Variants in HMCN1 observed in about 807,000 individuals in gnomAD.
The protein encoded by HMCN1 is hemicentin-1.
HMCN1 carries 321 observed loss-of-function variants against 625.9 expected under a neutral mutation model. The ratio of observed to expected loss-of-function variants is 0.51; its 90% CI spans 0.47 to 0.56. The LOEUF is 0.56. Among genes scored for constraint, HMCN1 ranks in the 20% least tolerant of loss-of-function variants. The pLI, the probability that HMCN1 is intolerant of heterozygous loss-of-function variation, is 0.00. For missense variants in HMCN1, 6,588 were observed against 6,887.3 expected (o/e 0.96, Z 1.54); for synonymous variants, 2,425 against 2,417.6 (o/e 1.00, Z -0.09).
chr1:186,020,505 T>C (rs1243972383), intron 35 of HMCN1, among the ~76,000 whole-genome samples: 2 of 152,072 alleles, frequency 1.3e-5, no homozygotes, highest in Non-Finnish European at 2.9e-5. Context: ...AAAGATTCAG[T>C]TTTTAGCCTT....
At chr1:185,931,110 A>T (rs1160831615) in intron 10 of HMCN1, among the ~76,000 whole-genome samples, 2 of 152,188 alleles carry the variant, frequency 1.3e-5, no homozygotes, top group African/African-American at 4.8e-5. Flanking sequence ...AAAGAAACAG[A>T]ACCCAGAGAA....
chr1:186,068,050 C>A (rs1197550938), intron 50 of HMCN1, 43 bp downstream of exon 50: 1 of 1,492,656 alleles, frequency 6.7e-7, no homozygotes, highest in East Asian at 2.3e-5. Flanking sequence ...TCTGCGTCAT[C>A]TACTATTCTA....
In HMCN1 at chr1:185,734,624, G is replaced by A. The variant is rs886045657; in HGVS notation, c.-156G>A. 17 of 714,100 alleles carry A rather than the reference G, an allele frequency of 2.4e-5. No individual in the cohort carries two copies. The highest frequency in any genetic ancestry group is 3.9e-5 in the Non-Finnish European group (16 of 409,868). The allele number at this position is 714,100 out of a possible 1,614,324, so 44.2% of individuals were successfully genotyped here. On this transcript the variant is annotated 5_prime_UTR_variant, in exon 1 of 107. Coordinates refer to ENST00000271588, the MANE Select transcript of HMCN1 (RefSeq NM_031935.3). ...CTGGAGGGATTCGAGTTTGGTGCTT[G>A]TCCCCGTCTGATTCTCAGCGCCAAA...
chr1:186,063,986 T>A (rs1657946185), intron 48 of HMCN1, among the ~76,000 whole-genome samples: 1 of 152,148 alleles, frequency 6.6e-6, no homozygotes, highest in Non-Finnish European at 1.5e-5. Flanking sequence ...AAAGGAAGAT[T>A]CAATGAGTTT....
intron 18 of HMCN1, among the ~76,000 whole-genome samples, chr1:185,983,942 TCTGA>T: frequency 6.6e-6 from 1 of 152,206 alleles, no homozygotes; most frequent in Non-Finnish European, 1.5e-5. Context: ...TGCTTAACTC[TCTGA>T]TAAATATTAA....
At chr1:185,836,879 G>T (rs1661201793) in intron 1 of HMCN1, among the ~76,000 whole-genome samples, 2 of 151,966 alleles carry the variant, frequency 1.3e-5, no homozygotes, top group South Asian at 4.2e-4. Flanking sequence ...AGAACATTCA[G>T]TACTTGGTTT....
chr1:185,911,871 T>C, intron 6 of HMCN1, 91 bp downstream of exon 6: 1 of 940,062 alleles, frequency 1.1e-6, no homozygotes, highest in Non-Finnish European at 1.7e-6. Context: ...AAACATACAC[T>C]CTTGCTATCA....
intron 36 of HMCN1, among the ~76,000 whole-genome samples, chr1:186,031,392 C>T (rs1251486199): frequency 6.6e-6 from 1 of 151,750 alleles, no homozygotes; most frequent in Non-Finnish European, 1.5e-5. Flanking sequence ...GTTGTTTGTA[C>T]TGAGGATCTT....
At chr1:186,130,321 T>C (rs1430242841) in intron 84 of HMCN1, among the ~76,000 whole-genome samples, 186 bp from the exon 85 acceptor site, 1 of 152,176 alleles carries the variant, frequency 6.6e-6, no homozygotes, top group Non-Finnish European at 1.5e-5. Context: ...ATCATCCCCT[T>C]AGAATATTGA....
chr1:185,893,421 TG>T (rs1300526255), intron 4 of HMCN1, among the ~76,000 whole-genome samples: 9 of 152,242 alleles, frequency 5.9e-5, no homozygotes, highest in African/African-American at 2.2e-4. Flanking sequence ...CCTTTCTGAC[TG>T]GCACAGAAAA....
chr1:186,047,752 A>G (rs1372391907), intron 41 of HMCN1, among the ~76,000 whole-genome samples: 1 of 152,084 alleles, frequency 6.6e-6, no homozygotes, highest in Non-Finnish European at 1.5e-5. Flanking sequence ...GAGTTTCCTT[A>G]TCTGTAAAAT....
chr1:186,058,162 T>G (rs1009648686), intron 46 of HMCN1, among the ~76,000 whole-genome samples: 3 of 151,988 alleles, frequency 2.0e-5, no homozygotes, highest in African/African-American at 7.2e-5. Flanking sequence ...ATGATGGCCC[T>G]CTATATAATT....
chr1:186,011,393 T>C (rs994601655), intron 30 of HMCN1, among the ~76,000 whole-genome samples: 45 of 152,236 alleles, frequency 3.0e-4, no homozygotes, highest in African/African-American at 1.1e-3. Context: ...TGAAAATGTT[T>C]CTTCATACAG....
intron 50 of HMCN1, 149 bp from the exon 51 acceptor site, chr1:186,069,514 T>G: frequency 1.5e-6 from 1 of 683,770 alleles, no homozygotes; most frequent in South Asian, 1.6e-5. Context: ...CCATCAGTAT[T>G]GCAGTTTATC....
chr1:186,060,993 G>A (rs891305409), intron 46 of HMCN1, among the ~76,000 whole-genome samples: 4 of 151,944 alleles, frequency 2.6e-5, no homozygotes, highest in African/African-American at 7.2e-5. Context: ...CCTTAGCATA[G>A]CATTCATGGG....
At chr1:186,161,887 A>C (rs1451167165) in intron 97 of HMCN1, among the ~76,000 whole-genome samples, 5 of 152,174 alleles carry the variant, frequency 3.3e-5, no homozygotes, top group African/African-American at 1.2e-4. Flanking sequence ...GAATCTGACA[A>C]TTATGTTTCT....
chr1:185,956,241 A>G (rs1269992479), intron 11 of HMCN1, among the ~76,000 whole-genome samples: 1 of 152,062 alleles, frequency 6.6e-6, no homozygotes, highest in Non-Finnish European at 1.5e-5. Context: ...AGCAGACACC[A>G]GCCAGGTGAT....
At chr1:185,881,236 T>C (rs1209244750) in intron 4 of HMCN1, among the ~76,000 whole-genome samples, 1 of 152,176 alleles carries the variant, frequency 6.6e-6, no homozygotes, top group African/African-American at 2.4e-5. Context: ...AAAAATGAAG[T>C]TGCATGAACG....
rs925606111 is a variant in HMCN1 at position 185,994,835 on chromosome 1, G to A, written c.3526G>A (p.Gly1176Arg). ...TCTAGTTCCTCCAAAGATACAGCGTGGACCTAAACATCTCAAAGTCCAAGT... is the reference window on the plus strand; with the variant it reads ...TCTAGTTCCTCCAAAGATACAGCGTAGACCTAAACATCTCAAAGTCCAAGT... ...NVHVPPKIQR[G>R]PKHLKVQVGQ... is the part of the protein sequence containing the mutation. Residue 1176 changes from glycine to arginine, a missense_variant, in exon 24 of 107, where the codon GGA becomes AGA. Gly to Arg is a moderately radical substitution (Grantham distance 125). This residue lies in a region of HMCN1 where 4,628 missense variants were observed against 4,853.1 expected (regional missense o/e 0.95). Transcript: ENST00000271588. 1.9e-6 allele frequency: 3 copies of A among 1,613,496 alleles called. No homozygotes were observed. Among genetic ancestry groups the A allele is most frequent in the Non-Finnish European group, 2.5e-6 (3 of 1,179,570 alleles).
Sources: gnomAD v4.1 joint callset for allele counts (sites outside exome capture counted in the v4.1 genomes callset) on GRCh38, gnomAD v4.1.1 for gene constraint, gnomAD v4.1.1 regional missense constraint, MANE v1.5 for transcripts, NCBI Gene and HGNC (gene_info 2026-07-23, HGNC 2026-07-21) for gene names.